RBFOX1: variants seen among roughly 807,000 people sequenced by gnomAD.
RBFOX1 encodes the protein RNA binding protein fox-1 homolog 1.
In RBFOX1, 8 loss-of-function variants were observed where a neutral mutation model predicts 57.7. That is an observed-to-expected ratio of 0.14 (90% confidence interval 0.08 to 0.25). RBFOX1 has a LOEUF of 0.25. RBFOX1 is among the 10% of genes least tolerant of loss of function. The pLI is 1.00. For synonymous variants in RBFOX1, 326 were observed against 222.4 expected (o/e 1.47, Z -4.15); for missense variants, 611 against 548.5 (o/e 1.11, Z -1.14).
chr16:6,729,106 G>A (rs5006208), intron 3 of RBFOX1, among the ~76,000 whole-genome samples: 137,817 of 152,142 alleles, frequency 0.91, 64,042 homozygotes, highest in East Asian at 1. Flanking sequence ...TTGAAATGGA[G>A]ATACTAAACT....
chr16:7,400,187 A>G (rs956794433), intron 4 of RBFOX1, among the ~76,000 whole-genome samples: 3 of 152,132 alleles, frequency 2.0e-5, no homozygotes, highest in African/African-American at 7.2e-5. Flanking sequence ...AAGTTCTCAA[A>G]TTTTGTCATG....
At chr16:5,328,688 G>C (rs1278072110) in intron 1 of RBFOX1, among the ~76,000 whole-genome samples, 1 of 152,192 alleles carries the variant, frequency 6.6e-6, no homozygotes, top group African/African-American at 2.4e-5. Context: ...TTTGGTCCCA[G>C]CCTCCTGCGG....
intron 1 of RBFOX1, among the ~76,000 whole-genome samples, chr16:6,113,679 AAAG>A (rs1408188960): frequency 2.0e-5 from 3 of 152,220 alleles, no homozygotes; most frequent in Non-Finnish European, 4.4e-5. Context: ...AGGAGGGAGA[AAAG>A]AAGAAGCTGA....
intron 1 of RBFOX1, among the ~76,000 whole-genome samples, chr16:6,110,664 G>A (rs927563305): frequency 2.6e-5 from 4 of 152,166 alleles, no homozygotes; most frequent in South Asian, 2.1e-4. Flanking sequence ...AAATAGGAAC[G>A]GAGGAGTTGA....
chr16:6,006,077 G>A (rs913351319), intron 4 of RBFOX1, among the ~76,000 whole-genome samples: 10 of 152,166 alleles, frequency 6.6e-5, no homozygotes, highest in Non-Finnish European at 1.2e-4. Flanking sequence ...GAGGCAATGA[G>A]GTTATTCATT....
chr16:5,914,813 T>C (rs2058672105), intron 4 of RBFOX1, among the ~76,000 whole-genome samples: 1 of 151,970 alleles, frequency 6.6e-6, no homozygotes, highest in African/African-American at 2.4e-5. Context: ...GAGAATGGCA[T>C]GAACCTGGGA....
At chr16:5,456,657 T>A (rs749745369) in intron 1 of RBFOX1, among the ~76,000 whole-genome samples, 5 of 152,216 alleles carry the variant, frequency 3.3e-5, no homozygotes, top group Non-Finnish European at 5.9e-5. Flanking sequence ...ATTTCTTGAA[T>A]CTGCCCATTT....
intron 4 of RBFOX1, among the ~76,000 whole-genome samples, chr16:7,226,502 G>C (rs1192315888): frequency 6.6e-6 from 1 of 152,140 alleles, no homozygotes; most frequent in Non-Finnish European, 1.5e-5. Flanking sequence ...ACATTCTGAG[G>C]GCAAAACCCT....
chr16:5,477,012 T>G (rs2069349126), intron 2 of RBFOX1, among the ~76,000 whole-genome samples: 1 of 152,164 alleles, frequency 6.6e-6, no homozygotes, highest in Non-Finnish European at 1.5e-5. Flanking sequence ...TTTTGGTGTT[T>G]ATTTATTTAT....
At chr16:6,894,838 C>T (rs916947879) in intron 3 of RBFOX1, among the ~76,000 whole-genome samples, 1 of 152,142 alleles carries the variant, frequency 6.6e-6, no homozygotes, top group African/African-American at 2.4e-5. Context: ...CAGAATAAGA[C>T]ATGTTGGGTT....
intron 1 of RBFOX1, among the ~76,000 whole-genome samples, chr16:5,354,574 G>C (rs903845876): frequency 6.6e-6 from 1 of 152,208 alleles, no homozygotes; most frequent in African/African-American, 2.4e-5. Flanking sequence ...CTGGCTATTA[G>C]GATTTTTCTC....
chr16:5,783,876 T>C (rs915405376), intron 3 of RBFOX1, among the ~76,000 whole-genome samples: 8 of 152,210 alleles, frequency 5.3e-5, no homozygotes, highest in African/African-American at 1.2e-4. Context: ...AATGGGATTG[T>C]TGTGGCTTTC....
chr16:7,709,001 T>G (rs1020135738), intron 14 of RBFOX1, 55 bp from the exon 15 acceptor site: 2 of 1,511,768 alleles, frequency 1.3e-6, no homozygotes, highest in African/African-American at 2.8e-5. Flanking sequence ...TTATGATTGT[T>G]ATTGTTTTGT....
At chr16:5,557,381 G>C (rs1166925260) in intron 2 of RBFOX1, among the ~76,000 whole-genome samples, 1 of 148,604 alleles carries the variant, frequency 6.7e-6, no homozygotes, top group Non-Finnish European at 1.5e-5. Context: ...GGTACAATGG[G>C]AGTCAAGCAC....
chr16:5,256,662 T>C (rs2062597233), intron 1 of RBFOX1, among the ~76,000 whole-genome samples: 1 of 152,140 alleles, frequency 6.6e-6, no homozygotes, highest in Non-Finnish European at 1.5e-5. Context: ...TGGCTGGGCA[T>C]GGTGGCTCAT....
intron 4 of RBFOX1, among the ~76,000 whole-genome samples, chr16:7,440,052 G>T (rs544429349): frequency 6.6e-6 from 1 of 150,592 alleles, no homozygotes; most frequent in Admixed American, 6.7e-5. Context: ...CCCGGGTTCA[G>T]GTGATCCTCC....
intron 3 of RBFOX1, among the ~76,000 whole-genome samples, chr16:5,848,944 A>G (rs2151860631): frequency 6.6e-6 from 1 of 151,514 alleles, no homozygotes. Flanking sequence ...GAGAGACTCC[A>G]TCTCAAAAAA....
intron 3 of RBFOX1, among the ~76,000 whole-genome samples, chr16:6,705,932 C>T (rs2062658651): frequency 6.6e-6 from 1 of 152,132 alleles, no homozygotes; most frequent in Non-Finnish European, 1.5e-5. Context: ...GTGGGAGGAG[C>T]ACTTGAGCCT....
At chr16:6,521,720 A>G (rs542667115) in intron 2 of RBFOX1, among the ~76,000 whole-genome samples, 2 of 152,278 alleles carry the variant, frequency 1.3e-5, no homozygotes, top group South Asian at 4.1e-4. Context: ...AAGAAAAAAA[A>G]ATTGCAAAAT....
Sources: gnomAD v4.1 joint callset for allele counts (sites outside exome capture counted in the v4.1 genomes callset) on GRCh38, gnomAD v4.1.1 for gene constraint, MANE v1.5 for transcripts, NCBI Gene and HGNC (gene_info 2026-07-23, HGNC 2026-07-21) for gene names.